STX12: variants seen among roughly 807,000 people sequenced by gnomAD.
STX12 encodes syntaxin-12.
In STX12, 17 loss-of-function variants were observed where a neutral mutation model predicts 42.2. That is an observed-to-expected ratio of 0.40 (90% confidence interval 0.28 to 0.60). The LOEUF is 0.60. Among genes scored for constraint, STX12 ranks in the 20% least tolerant of loss-of-function variants. STX12 has a pLI of 0.39. For synonymous variants in STX12, 108 were observed against 116.7 expected (o/e 0.93, Z 0.48); for missense variants, 297 against 330.9 (o/e 0.90, Z 0.79).
rs114884324 is a variant in STX12, at chr1:27,799,775, G to A, written c.289-1903G>A. On this transcript the variant is annotated intron_variant, in intron 3 of 8. Transcript: ENST00000373943. ...GGCGTTTTGTTTTGTTTTTTGAGAC[G>A]GAGTTTCACATGTGTTGCCCAGGCT... Among the ~76,000 whole-genome samples the A allele has an allele frequency of 6.7e-3, 1,007 of 150,590 alleles. 11 individuals carry two copies. The highest frequency in any genetic ancestry group is 0.022 in the African/African-American group (902 of 40,890).
At chr1:27,817,275 G>A (rs1268736761) in intron 6 of STX12, among the ~76,000 whole-genome samples, 1 of 152,108 alleles carries the variant, frequency 6.6e-6, no homozygotes, top group Non-Finnish European at 1.5e-5. Flanking sequence ...ATTCACTTTG[G>A]AACTGCTATC....
chr1:27,816,421 T>C (rs970768859), intron 6 of STX12, among the ~76,000 whole-genome samples: 1 of 149,012 alleles, frequency 6.7e-6, no homozygotes, highest in African/African-American at 2.5e-5. Flanking sequence ...TTGCAGGGAG[T>C]TGAGATTGTG....
chr1:27,776,732 AAAAT>A (rs1363864083), intron 1 of STX12, among the ~76,000 whole-genome samples: 13 of 152,178 alleles, frequency 8.5e-5, no homozygotes, highest in Non-Finnish European at 1.9e-4. Context: ...AAATAAATTA[AAAAT>A]AAATAAATCA....
At chr1:27,812,449 T>TTTG (rs1553183023) in intron 6 of STX12, among the ~76,000 whole-genome samples, 181 bp downstream of exon 6, 4 of 152,030 alleles carry the variant, frequency 2.6e-5, no homozygotes, top group African/African-American at 9.7e-5. Context: ...TTTTGTTTTT[T>TTTG]TTTTTATCTT....
intron 8 of STX12, among the ~76,000 whole-genome samples, chr1:27,821,120 AACT>A (rs2088980625): frequency 6.6e-6 from 1 of 151,722 alleles, no homozygotes; most frequent in African/African-American, 2.4e-5. Flanking sequence ...ATACATATGT[AACT>A]AACCTGCACA....
chr1:27,808,381 A>G (rs919109794), intron 4 of STX12, among the ~76,000 whole-genome samples: 1 of 150,926 alleles, frequency 6.6e-6, no homozygotes, highest in African/African-American at 2.4e-5. Context: ...TCACTCTGTC[A>G]CTCAGGCTGT....
chr1:27,802,665 T>C (rs1205507177), intron 4 of STX12, among the ~76,000 whole-genome samples: 2 of 152,186 alleles, frequency 1.3e-5, no homozygotes, highest in Non-Finnish European at 2.9e-5. Flanking sequence ...ATTCCTTCTG[T>C]AGAAAGACAC....
At chr1:27,788,409 G>T (rs1268998458) in intron 1 of STX12, among the ~76,000 whole-genome samples, 1 of 152,172 alleles carries the variant, frequency 6.6e-6, no homozygotes, top group East Asian at 1.9e-4. Flanking sequence ...GCGTTAGAGT[G>T]TTCCTCCTTA....
chr1:27,777,450 A>G (rs573292860), intron 1 of STX12, among the ~76,000 whole-genome samples: 1 of 152,210 alleles, frequency 6.6e-6, no homozygotes, highest in African/African-American at 2.4e-5. Context: ...GGATCACATT[A>G]TATAGGATCT....
rs1440630012 is a variant in STX12, at chr1:27,773,345, G to T, written c.38G>T (p.Gly13Val). 1 of 1,612,456 alleles carries T rather than the reference G, an allele frequency of 6.2e-7. No homozygotes were observed. Among genetic ancestry groups the T allele is most frequent in the East Asian group, 2.2e-5 (1 of 44,820 alleles). ...YGPLDMYRNP[G>V]PSGPQLRDFS... ...CCCTTAGACATGTACCGGAACCCGG[G>T]GCCCTCGGGGCCCCAGCTCCGGGAC... The change falls in exon 1 of 9, where the codon GGG becomes GTG. Residue 13 changes from glycine to valine, a missense_variant. Coordinates refer to ENST00000373943, the MANE Select transcript of STX12 (RefSeq NM_177424.3).
At chr1:27,775,057 C>T (rs1485814226) in intron 1 of STX12, among the ~76,000 whole-genome samples, 1 of 152,110 alleles carries the variant, frequency 6.6e-6, no homozygotes, top group Non-Finnish European at 1.5e-5. Context: ...ACTGTTTGTT[C>T]CAGTTTCCTT....
Position 27,818,244 on chromosome 1 carries a change from G to C in STX12, c.649+321G>C, listed in dbSNP as rs370565652. On this transcript the variant is annotated intron_variant, in intron 7 of 8. Coordinates refer to ENST00000373943, the MANE Select transcript of STX12 (RefSeq NM_177424.3). Reference sequence around the variant, plus strand: ...AAAATACAAAAAATTAGCTACGCCTGGTGGCATGCACCTGTAGTCCCAGCT... The same window carrying C: ...AAAATACAAAAAATTAGCTACGCCTCGTGGCATGCACCTGTAGTCCCAGCT... 9.9e-5 allele frequency among the ~76,000 whole-genome samples: 15 copies of C among 152,244 alleles called. 1 individual carries two copies. In the East Asian group the frequency reaches 2.7e-3, roughly 27 times the overall value.
chr1:27,788,863 T>G (rs1451583052), intron 1 of STX12, among the ~76,000 whole-genome samples: 3 of 151,820 alleles, frequency 2.0e-5, no homozygotes, highest in Admixed American at 6.6e-5. Flanking sequence ...TACAAAAAAA[T>G]TAATCGGGCG....
Position 27,824,394 on chromosome 1 carries a change from A to C in STX12, c.*2065A>C, listed in dbSNP as rs567478802. The C allele has an allele frequency of 6.6e-6, 1 of 152,228 alleles. No homozygotes were observed. The allele number at this position is 152,228 out of a possible 1,614,324, so 9.4% of individuals were successfully genotyped here. A position where few individuals can be genotyped will look rare whatever the true frequency, so the allele number is the denominator to read the frequency against. ...TTTTAAATGGCCTAGAATTTGTGGTAGTTGCCAAAGAGGTTCTCCTAGGTG... is the reference window on the plus strand; with the variant it reads ...TTTTAAATGGCCTAGAATTTGTGGTCGTTGCCAAAGAGGTTCTCCTAGGTG... On this transcript the variant is annotated 3_prime_UTR_variant, in exon 9 of 9. Coordinates refer to ENST00000373943, the MANE Select transcript of STX12 (RefSeq NM_177424.3).
chr1:27,794,542 C>T (rs906274036), intron 3 of STX12, among the ~76,000 whole-genome samples: 2 of 151,942 alleles, frequency 1.3e-5, no homozygotes, highest in Non-Finnish European at 2.9e-5. Context: ...TTCATTGTTC[C>T]CTTAATATGC....
intron 6 of STX12, among the ~76,000 whole-genome samples, chr1:27,816,520 C>T (rs1018381998): frequency 2.8e-5 from 4 of 145,292 alleles, no homozygotes; most frequent in Non-Finnish European, 6.0e-5. Context: ...AAAGAAGGGA[C>T]GGAGGCTGGG....
chr1:27,776,690 C>T (rs1168553306), intron 1 of STX12, among the ~76,000 whole-genome samples: 1 of 152,108 alleles, frequency 6.6e-6, no homozygotes, highest in Non-Finnish European at 1.5e-5. Flanking sequence ...GTACTGCAGC[C>T]TGGGTGGCAG....
intron 8 of STX12, among the ~76,000 whole-genome samples, chr1:27,820,727 A>G (rs1458113021): frequency 1.3e-5 from 2 of 152,042 alleles, no homozygotes; most frequent in Non-Finnish European, 2.9e-5. Context: ...ATGCACACGT[A>G]TGTTTATTGC....
intron 6 of STX12, among the ~76,000 whole-genome samples, chr1:27,813,076 AG>A (rs1197753384): frequency 6.6e-6 from 1 of 152,208 alleles, no homozygotes; most frequent in South Asian, 2.1e-4. Flanking sequence ...TCAGAGAAAT[AG>A]GAACAGTTTT....
Sources: allele counts gnomAD v4.1 joint callset (sites outside exome capture counted in the v4.1 genomes callset), GRCh38; gene constraint gnomAD v4.1.1; transcripts MANE v1.5; gene names NCBI Gene and HGNC (gene_info 2026-07-23, HGNC 2026-07-21).